NOL4: variants seen among roughly 807,000 people sequenced by gnomAD.
NOL4 encodes cancer/testis antigen 125.
A neutral mutation model predicts 75.9 loss-of-function variants in NOL4; 17 were observed. The ratio of observed to expected loss-of-function variants is 0.22; its 90% CI spans 0.15 to 0.34. NOL4 has a LOEUF of 0.34. Ranked by LOEUF, NOL4 falls within the 10% of genes least tolerant of loss-of-function variation. The pLI is 1.00. For synonymous variants in NOL4, 292 were observed against 289.9 expected (o/e 1.01, Z -0.07); for missense variants, 614 against 793.5 (o/e 0.77, Z 2.72).
At chr18:34,002,702 A>T (rs906543361) in intron 6 of NOL4, among the ~76,000 whole-genome samples, 1 of 152,130 alleles carries the variant, frequency 6.6e-6, no homozygotes, top group Non-Finnish European at 1.5e-5. Flanking sequence ...AACACTTTGC[A>T]TCAAAATGTA....
At chr18:34,049,131 C>G (rs548590438) in intron 5 of NOL4, among the ~76,000 whole-genome samples, 6 of 150,584 alleles carry the variant, frequency 4.0e-5, no homozygotes, top group Non-Finnish European at 7.4e-5. Flanking sequence ...TCCATTTTCT[C>G]TCTCCAGCAT....
At chr18:33,864,960 G>A (rs1341791829) in intron 10 of NOL4, among the ~76,000 whole-genome samples, 1 of 152,108 alleles carries the variant, frequency 6.6e-6, no homozygotes, top group Non-Finnish European at 1.5e-5. Context: ...AGAACAGCAT[G>A]AGGGAAACCT....
At chr18:34,014,494 A>T (rs972597064) in intron 6 of NOL4, among the ~76,000 whole-genome samples, 2 of 152,012 alleles carry the variant, frequency 1.3e-5, no homozygotes, top group African/African-American at 2.4e-5. Context: ...AAAGTCAATA[A>T]TACAGTGTTT....
At chr18:34,113,359 T>C (rs1378185627) in intron 2 of NOL4, among the ~76,000 whole-genome samples, 1 of 152,158 alleles carries the variant, frequency 6.6e-6, no homozygotes, top group Non-Finnish European at 1.5e-5. Flanking sequence ...TTACTGAAGT[T>C]CTTAGCATGG....
At chr18:34,159,542 C>A (rs959807724) in intron 1 of NOL4, among the ~76,000 whole-genome samples, 2 of 152,116 alleles carry the variant, frequency 1.3e-5, no homozygotes, top group African/African-American at 4.8e-5. Context: ...GGCACGGTCA[C>A]GCCGAGTTTG....
intron 8 of NOL4, among the ~76,000 whole-genome samples, chr18:33,944,424 G>A (rs144788243): frequency 6.3e-4 from 96 of 151,980 alleles, no homozygotes; most frequent in African/African-American, 2.1e-3. Context: ...TTTGTACAGT[G>A]TAGACAGAGA....
rs560321701 is a variant in NOL4 at position 34,016,388 on chromosome 18, C to T, written c.1056+2930G>A. Among the ~76,000 whole-genome samples, 27 of 151,754 alleles carry T rather than the reference C, an allele frequency of 1.8e-4. No individual in the cohort carries two copies. In the East Asian group the frequency reaches 5.0e-3, roughly 28 times the overall value. On this transcript the variant is annotated intron_variant, in intron 6 of 10. Coordinates refer to ENST00000261592, the MANE Select transcript of NOL4 (RefSeq NM_003787.5). ...TATAAAATTCCAAGCTGACCACAGG[C>T]TTTCTAAAATTCTAAGCTGACCACT... is the stretch of plus-strand genomic sequence containing the variant.
At chr18:34,170,441 C>T (rs1478137521) in intron 1 of NOL4, among the ~76,000 whole-genome samples, 3 of 152,090 alleles carry the variant, frequency 2.0e-5, no homozygotes, top group Non-Finnish European at 4.4e-5. Flanking sequence ...ATCCACCCAC[C>T]TCAGCCTCCC....
chr18:33,892,616 G>T (rs143111692), intron 9 of NOL4, among the ~76,000 whole-genome samples: 11 of 147,032 alleles, frequency 7.5e-5, no homozygotes, highest in African/African-American at 1.3e-4. Context: ...TATTCACCAT[G>T]AAGTAATTTT....
At chr18:34,141,943 G>A (rs987649173) in intron 1 of NOL4, among the ~76,000 whole-genome samples, 42 of 151,830 alleles carry the variant, frequency 2.8e-4, no homozygotes, top group Non-Finnish European at 1.5e-5. Flanking sequence ...TCTGACAAAG[G>A]GCTAATATCC....
intron 1 of NOL4, among the ~76,000 whole-genome samples, chr18:34,144,337 G>A (rs1159030346): frequency 6.6e-6 from 1 of 152,054 alleles, no homozygotes; most frequent in East Asian, 1.9e-4. Context: ...TTCAAGATGA[G>A]TAAATGACAG....
intron 1 of NOL4, among the ~76,000 whole-genome samples, chr18:34,154,394 A>T (rs1416296503): frequency 6.6e-6 from 1 of 151,958 alleles, no homozygotes; most frequent in African/African-American, 2.4e-5. Context: ...TTTTTTAATC[A>T]CTAATCTTGC....
In NOL4 at chr18:34,223,104, G is replaced by A. The variant is rs776345051; in HGVS notation, c.150C>T (p.Asn50=). ...LNGSESSSTD[N]AKFKFWVKSK... ...ATTTGACCCAGAATTTAAATTTGGC[G>A]TTGTCCGTGGAGCTCGACTCGGAGC... The change falls in exon 1 of 11, where the codon AAC becomes AAT. Residue 50 remains asparagine, a synonymous_variant. Transcript: ENST00000261592. 9.3e-6 allele frequency: 15 copies of A among 1,614,060 alleles called. No homozygotes were observed. In the African/African-American group the frequency reaches 1.9e-4, roughly 20 times the overall value.
chr18:34,139,105 C>T (rs556396240), intron 1 of NOL4, among the ~76,000 whole-genome samples: 10 of 152,228 alleles, frequency 6.6e-5, no homozygotes, highest in Admixed American at 2.0e-4. Flanking sequence ...ATTTTTGCAT[C>T]GATGTTTATC....
rs557826180 is a variant in NOL4 at position 34,011,872 on chromosome 18, T to C, written c.1056+7446A>G. On this transcript the variant is annotated intron_variant, in intron 6 of 10. Transcript: ENST00000261592. ...AGCTGGAGGGCTAGTTAAGATTTTG[T>C]ACTAACTCATATGAACTATTATATG... 2.0e-5 allele frequency among the ~76,000 whole-genome samples: 3 copies of C among 152,044 alleles called. No individual in the cohort carries two copies. In the South Asian group the frequency reaches 6.2e-4, roughly 31 times the overall value.
rs182260830 is a variant in NOL4, at chr18:34,033,832, T to A, written c.773-14231A>T. On this transcript the variant is annotated intron_variant, in intron 5 of 10. Transcript: ENST00000261592. ...TAGTCACCTATAAAGGAACACTCCA[T>A]TAGACTAATAGAATTCTCAGCAGAA... Among the ~76,000 whole-genome samples, 542 of 152,116 alleles carry A rather than the reference T, an allele frequency of 3.6e-3. 3 individuals are homozygous for A. Among genetic ancestry groups the A allele is most frequent in the African/African-American group, 0.013 (523 of 41,488 alleles).
intron 5 of NOL4, among the ~76,000 whole-genome samples, chr18:34,025,588 C>A (rs2075300527): frequency 6.6e-6 from 1 of 152,136 alleles, no homozygotes; most frequent in South Asian, 2.1e-4. Flanking sequence ...TGCACACTGG[C>A]TCTATGTATG....
Position 34,224,074 on chromosome 18 carries a change from A to C in NOL4, c.-821T>G, listed in dbSNP as rs1168617089. Reference sequence around the variant, plus strand: ...AGAAATTAGCAAAGCATTGATGGAGATTTGGCCATAGTTCTACAGGATAGA... The same window carrying C: ...AGAAATTAGCAAAGCATTGATGGAGCTTTGGCCATAGTTCTACAGGATAGA... On this transcript the variant is annotated 5_prime_UTR_variant, in exon 1 of 11. Transcript: ENST00000261592. 1 of 152,206 alleles carries C rather than the reference A, an allele frequency of 6.6e-6. No homozygotes were observed. Among genetic ancestry groups the C allele is most frequent in the East Asian group, 1.9e-4 (1 of 5,180 alleles). 9.4% of individuals were successfully genotyped at this position (152,206 alleles called of 1,614,324 possible).
chr18:34,126,442 T>G (rs753929275), intron 2 of NOL4, among the ~76,000 whole-genome samples: 2 of 152,176 alleles, frequency 1.3e-5, no homozygotes, highest in Non-Finnish European at 2.9e-5. Flanking sequence ...TATCACACTA[T>G]GAGTTGTATG....
Sources: allele counts gnomAD v4.1 joint callset (sites outside exome capture counted in the v4.1 genomes callset), GRCh38; gene constraint gnomAD v4.1.1; transcripts MANE v1.5; gene names NCBI Gene and HGNC (gene_info 2026-07-23, HGNC 2026-07-21).